The following PCDH7 variants were observed in gnomAD, a reference collection of about 807,000 sequenced individuals.
The protein encoded by PCDH7 is protocadherin 7.
PCDH7 carries 17 observed loss-of-function variants against 58.9 expected under a neutral mutation model. That is an observed-to-expected ratio of 0.29 (90% CI 0.20 to 0.43). The LOEUF (loss-of-function observed/expected upper bound fraction) is 0.43, where lower values mean the gene tolerates loss of function less well. PCDH7 is among the 20% of genes least tolerant of loss of function. The pLI, the probability that PCDH7 is intolerant of heterozygous loss-of-function variation, is 1.00. For synonymous variants in PCDH7, 664 were observed against 616.4 expected, an observed-to-expected ratio of 1.08 and a Z score of -1.14; for missense variants, 1,274 against 1,441.0, an observed-to-expected ratio of 0.88 and a Z score of 1.88.
At chr4:31,025,877 A>G (rs1205463738) in intron 3 of PCDH7, among the ~76,000 whole-genome samples, 2 of 152,252 alleles carry the variant, frequency 1.3e-5, no homozygotes, top group Non-Finnish European at 2.9e-5. Context: ...CTCTATTAAA[A>G]TCTTTGTGGA....
exon 4 of PCDH7, chr4:31,142,607 A>T: frequency 7.3e-7 from 1 of 1,367,756 alleles, no homozygotes; most frequent in Non-Finnish European, 9.8e-7. Context: ...TAAACTGTCC[A>T]CTTTCATGCC....
intron 3 of PCDH7, among the ~76,000 whole-genome samples, chr4:31,039,700 G>A (rs1278873788): frequency 6.6e-6 from 1 of 152,130 alleles, no homozygotes; most frequent in Admixed American, 6.6e-5. Context: ...AACTTTTCTA[G>A]AAGAGCAACT....
chr4:30,859,066 T>A, intron 1 of PCDH7, among the ~76,000 whole-genome samples: 1 of 152,160 alleles, frequency 6.6e-6, no homozygotes, highest in South Asian at 2.1e-4. Context: ...CAGCCTTTCC[T>A]TTTTTCTCCC....
At chr4:30,894,490 A>AAAT (rs1553909431) in intron 1 of PCDH7, among the ~76,000 whole-genome samples, 20 of 33,510 alleles carry the variant, frequency 6.0e-4, no homozygotes, top group Non-Finnish European at 8.7e-4. Flanking sequence ...AAAAAAAAAA[A>AAAT]ATATATATAT....
At chr4:30,744,238 G>A (rs1439872410) in intron 1 of PCDH7, among the ~76,000 whole-genome samples, 1 of 151,896 alleles carries the variant, frequency 6.6e-6, no homozygotes, top group Non-Finnish European at 1.5e-5. Context: ...CAGCTGCATT[G>A]AAAAAACCAT....
chr4:31,041,551 C>T (rs1048809143), intron 3 of PCDH7, among the ~76,000 whole-genome samples: 3 of 152,134 alleles, frequency 2.0e-5, no homozygotes, highest in East Asian at 1.9e-4. Flanking sequence ...TGAAGGAGCA[C>T]GACACAGAAG....
chr4:30,868,557 A>T (rs1735160176), intron 1 of PCDH7, among the ~76,000 whole-genome samples: 3 of 151,898 alleles, frequency 2.0e-5, no homozygotes, highest in South Asian at 2.1e-4. Flanking sequence ...CTTGTGCTTA[A>T]TTTTTTTCTT....
At chr4:30,752,153 A>C (rs1228632578) in intron 1 of PCDH7, among the ~76,000 whole-genome samples, 1 of 150,434 alleles carries the variant, frequency 6.6e-6, no homozygotes, top group Admixed American at 6.6e-5. Context: ...TTCCTTCAAG[A>C]TGGAGTCTCA....
chr4:30,924,375 A>G (rs1743575709), intron 2 of PCDH7, among the ~76,000 whole-genome samples: 1 of 152,180 alleles, frequency 6.6e-6, no homozygotes, highest in African/African-American at 2.4e-5. Flanking sequence ...ATAATCTGTG[A>G]TTCTCTTACA....
chr4:30,914,295 G>A (rs1464597618), intron 1 of PCDH7, among the ~76,000 whole-genome samples: 1 of 152,128 alleles, frequency 6.6e-6, no homozygotes, highest in Admixed American at 6.6e-5. Flanking sequence ...ACATTATCTG[G>A]GTTTTGCCTT....
chr4:31,046,328 C>T (rs4577529), intron 3 of PCDH7, among the ~76,000 whole-genome samples: 95,486 of 151,684 alleles, frequency 0.63, 32,415 homozygotes, highest in African/African-American at 0.89. Context: ...ATTTCTTGGG[C>T]TTAAAATACC....
chr4:30,872,468 G>A (rs1186565193), intron 1 of PCDH7, among the ~76,000 whole-genome samples: 1 of 152,056 alleles, frequency 6.6e-6, no homozygotes, highest in Admixed American at 6.6e-5. Context: ...AATTTGACCT[G>A]TGGGCTGTGG....
chr4:30,959,093 G>A (rs1225185983), intron 3 of PCDH7, among the ~76,000 whole-genome samples: 1 of 152,082 alleles, frequency 6.6e-6, no homozygotes, highest in Non-Finnish European at 1.5e-5. Context: ...ATTTTCCAAA[G>A]ATGTTACAAT....
At chr4:30,799,347 C>T (rs910774183) in intron 1 of PCDH7, among the ~76,000 whole-genome samples, 2 of 152,128 alleles carry the variant, frequency 1.3e-5, no homozygotes, top group Non-Finnish European at 2.9e-5. Context: ...TTAAATTTTC[C>T]AAGAAAGACA....
chr4:30,789,833 C>T (rs1723883983), intron 1 of PCDH7, among the ~76,000 whole-genome samples: 1 of 152,136 alleles, frequency 6.6e-6, no homozygotes, highest in African/African-American at 2.4e-5. Flanking sequence ...TGCAGACTTC[C>T]ACCTACCAAA....
chr4:30,899,093 T>C (rs2109392708), intron 1 of PCDH7, among the ~76,000 whole-genome samples: 1 of 152,266 alleles, frequency 6.6e-6, no homozygotes, highest in African/African-American at 2.4e-5. Flanking sequence ...CTTTGGTGTG[T>C]GTGTTTATAG....
intron 3 of PCDH7, among the ~76,000 whole-genome samples, chr4:31,116,394 T>C (rs1716989155): frequency 6.6e-6 from 1 of 152,188 alleles, no homozygotes; most frequent in South Asian, 2.1e-4. Context: ...ATGTGTAACA[T>C]AACACTATGA....
At chr4:30,732,127 T>G (rs1715593243) in exon 2 of PCDH7, 1 of 152,184 alleles carries the variant, frequency 6.6e-6, no homozygotes, top group African/African-American at 2.4e-5. Context: ...GATTTTCATT[T>G]TATAAGCTGT....
chr4:31,052,047 G>C (rs911852715), intron 3 of PCDH7, among the ~76,000 whole-genome samples: 1 of 151,990 alleles, frequency 6.6e-6, no homozygotes, highest in Admixed American at 6.6e-5. Context: ...TAAGGTTATA[G>C]CTGTATATAA....
Sources: allele counts gnomAD v4.1 joint callset (sites outside exome capture counted in the v4.1 genomes callset), GRCh38; gene constraint gnomAD v4.1.1; transcripts MANE v1.5; gene names NCBI Gene and HGNC (gene_info 2026-07-23, HGNC 2026-07-21).